The following ARMH3 variants were observed in gnomAD, a reference collection of about 807,000 sequenced individuals.
The protein encoded by ARMH3 is armadillo like helical domain containing 3, also known as armadillo-like helical domain-containing protein 3.
In ARMH3, 60 loss-of-function variants were observed where a neutral mutation model predicts 99.1. The observed-to-expected ratio is 0.61, with a 90% CI of 0.49 to 0.75. The LOEUF is 0.75. Ranked by LOEUF, ARMH3 falls within the 30% of genes least tolerant of loss-of-function variation. The pLI is 0.00. For synonymous variants in ARMH3, 285 were observed against 292.8 expected, an observed-to-expected ratio of 0.97 and a Z score of 0.27; for missense variants, 679 against 843.1, an observed-to-expected ratio of 0.81 and a Z score of 2.41.
rs76437634 is a variant in ARMH3, at chr10:102,010,476, A to G, written c.832-453T>C. The stretch of plus-strand genomic sequence containing the variant: ...AACCAACATAAAGCTATCTTTGGGA[A>G]CAATATTCAGGTTTCAGACCAAAGC... On this transcript the variant is annotated intron_variant, in intron 11 of 25. Coordinates refer to ENST00000370033, the MANE Select transcript of ARMH3 (RefSeq NM_024541.3). 1.3e-4 allele frequency among the ~76,000 whole-genome samples: 20 copies of G among 152,322 alleles called. No homozygotes were observed. The East Asian group carries it at 3.9e-3, about 29-fold the overall frequency.
At chr10:101,861,877 C>CAA (rs36095929) in intron 24 of ARMH3, among the ~76,000 whole-genome samples, 64 of 93,988 alleles carry the variant, frequency 6.8e-4, no homozygotes, top group Middle Eastern at 5.7e-3. Context: ...CTAAAAATAC[C>CAA]AAAAAAAAAA....
intron 22 of ARMH3, among the ~76,000 whole-genome samples, chr10:101,953,293 A>G (rs1287047930): frequency 6.6e-6 from 1 of 152,202 alleles, no homozygotes; most frequent in East Asian, 1.9e-4. Context: ...CCACACCTAG[A>G]TAAATTTTTG....
chr10:101,965,069 TA>T (rs898187863), intron 20 of ARMH3, among the ~76,000 whole-genome samples: 1 of 151,464 alleles, frequency 6.6e-6, no homozygotes, highest in Admixed American at 6.6e-5. Flanking sequence ...TTTGGGAAGA[TA>T]AAAAAAAGTA....
chr10:101,972,184 G>A (rs1845798722), intron 20 of ARMH3, among the ~76,000 whole-genome samples: 2 of 152,136 alleles, frequency 1.3e-5, no homozygotes, highest in South Asian at 2.1e-4. Flanking sequence ...GATCACACCT[G>A]TAAATTCATT....
chr10:101,853,065 T>A (rs2066643203), intron 24 of ARMH3, among the ~76,000 whole-genome samples: 2 of 150,642 alleles, frequency 1.3e-5, no homozygotes, highest in African/African-American at 4.9e-5. Context: ...TTTTTTTTTT[T>A]TTTTTAGTAG....
In ARMH3 at chr10:101,995,501, AT is replaced by A. The variant is rs1039465361; in HGVS notation, c.1151-147del. ...CATAAATGAAAATCAAGGTACTACT[AT>A]AGTAATTCTTGCTTCCCTCCTAGGC... On this transcript the variant is annotated intron_variant, in intron 15 of 25. Transcript: ENST00000370033. 8 of 672,276 alleles carry A rather than the reference AT, an allele frequency of 1.2e-5. No homozygotes were observed. In the Admixed American group the frequency reaches 2.4e-4, roughly 20 times the overall value. The allele number at this position is 672,276 out of a possible 1,614,324, so 41.6% of individuals were successfully genotyped here. A position where few individuals can be genotyped will look rare whatever the true frequency, so the allele number is the denominator to read the frequency against.
intron 23 of ARMH3, among the ~76,000 whole-genome samples, chr10:101,932,929 G>A (rs1484079863): frequency 6.6e-6 from 1 of 152,228 alleles, no homozygotes; most frequent in African/African-American, 2.4e-5. Flanking sequence ...GCTCACGCCT[G>A]TAATCCCAGC....
intron 23 of ARMH3, among the ~76,000 whole-genome samples, chr10:101,891,049 A>G (rs1049468317): frequency 6.6e-6 from 1 of 151,618 alleles, no homozygotes; most frequent in Non-Finnish European, 1.5e-5. Context: ...TAATTTTTGT[A>G]TTTTTTGTAG....
chr10:101,916,330 C>T (rs1843084882), intron 23 of ARMH3, among the ~76,000 whole-genome samples: 1 of 152,092 alleles, frequency 6.6e-6, no homozygotes, highest in African/African-American at 2.4e-5. Context: ...ATAATGCAAA[C>T]ACCTAAGGAA....
chr10:102,030,663 C>A (rs1215018128), intron 4 of ARMH3, among the ~76,000 whole-genome samples: 1 of 152,066 alleles, frequency 6.6e-6, no homozygotes, highest in Non-Finnish European at 1.5e-5. Flanking sequence ...GAGCCGAGAT[C>A]GCTCCATTGC....
intron 20 of ARMH3, among the ~76,000 whole-genome samples, chr10:101,960,821 C>T (rs540894389): frequency 1.6e-3 from 229 of 145,690 alleles, no homozygotes; most frequent in African/African-American, 5.3e-3. Flanking sequence ...ACCTGGAAGG[C>T]GGAGTTTGCA....
At chr10:102,043,928 GTTTT>G (rs1294800239) in intron 1 of ARMH3, among the ~76,000 whole-genome samples, 1 of 151,716 alleles carries the variant, frequency 6.6e-6, no homozygotes, top group Non-Finnish European at 1.5e-5. Context: ...ACTTTTTTTT[GTTTT>G]TTGAGACAGA....
intron 13 of ARMH3, among the ~76,000 whole-genome samples, chr10:102,007,833 CA>C (rs529858697): frequency 6.4e-3 from 313 of 48,978 alleles, no homozygotes; most frequent in Admixed American, 0.012. Context: ...ACACCATCTC[CA>C]AAAAAAAAAA....
chr10:101,994,688 T>C (rs991243828), intron 16 of ARMH3, among the ~76,000 whole-genome samples: 2 of 152,162 alleles, frequency 1.3e-5, no homozygotes, highest in East Asian at 3.9e-4. Flanking sequence ...TCTCTGGCTT[T>C]ACTATCCACC....
rs1465528253 is a variant in ARMH3, at chr10:101,990,616, AAGGGGAAT to A, written c.1346-13_1346-6del. 10 of 1,602,012 alleles carry A rather than the reference AAGGGGAAT, an allele frequency of 6.2e-6. No individual in the cohort carries two copies. Among genetic ancestry groups the A allele is most frequent in the Non-Finnish European group, 8.5e-6 (10 of 1,170,934 alleles). ...CAATAAACTCTACCATCAGGTCTGA[AAGGGGAAT>A]AGAGAAAAACTGGATCAATTACAAT... On this transcript the variant is annotated splice_region_variant and splice_polypyrimidine_tract_variant and intron_variant, in intron 18 of 25. Transcript: ENST00000370033.
At chr10:101,985,754 C>T (rs1472896177) in intron 19 of ARMH3, among the ~76,000 whole-genome samples, 2 of 152,016 alleles carry the variant, frequency 1.3e-5, no homozygotes, top group African/African-American at 4.8e-5. Context: ...CGGTGGCTCA[C>T]TCCTGTAATC....
intron 24 of ARMH3, among the ~76,000 whole-genome samples, chr10:101,877,087 T>C (rs999169362): frequency 6.6e-6 from 1 of 152,044 alleles, no homozygotes; most frequent in Non-Finnish European, 1.5e-5. Flanking sequence ...CGCACACCTG[T>C]AGTCCCAGCT....
rs560389415 is a variant in ARMH3 at position 101,968,573 on chromosome 10, T to C, written c.1495+6639A>G. ...CAAAATGCTCATGGGCCTATGAGAGTTGACATTTTTCTGGATAGGAAGTGA... is the reference window on the plus strand; with the variant it reads ...CAAAATGCTCATGGGCCTATGAGAGCTGACATTTTTCTGGATAGGAAGTGA... On this transcript the variant is annotated intron_variant, in intron 20 of 25. Transcript: ENST00000370033. Among the ~76,000 whole-genome samples the C allele has an allele frequency of 8.5e-5, 13 of 152,230 alleles. No individual in the cohort carries two copies. The South Asian group carries it at 1.5e-3, about 17-fold the overall frequency.
intron 16 of ARMH3, among the ~76,000 whole-genome samples, chr10:101,994,444 T>G (rs1846961304): frequency 6.6e-6 from 1 of 152,062 alleles, no homozygotes; most frequent in Non-Finnish European, 1.5e-5. Context: ...TCACCATTTT[T>G]CTTAAGAGAG....
Sources: gnomAD v4.1 joint callset for allele counts (sites outside exome capture counted in the v4.1 genomes callset) on GRCh38, gnomAD v4.1.1 for gene constraint, MANE v1.5 for transcripts, NCBI Gene and HGNC (gene_info 2026-07-23, HGNC 2026-07-21) for gene names.